The following CARS2 variants were observed in gnomAD, a reference collection of about 807,000 sequenced individuals.
CARS2 encodes the protein probable cysteine--tRNA ligase, mitochondrial.
In CARS2, 52 loss-of-function variants were observed where a neutral mutation model predicts 68.8. The ratio of observed to expected loss-of-function variants is 0.76; its 90% CI spans 0.61 to 0.95. CARS2 has a LOEUF of 0.95. CARS2 is among the 40% of genes least tolerant of loss of function. The pLI is 0.00. For missense variants in CARS2, 780 were observed against 754.2 expected (o/e 1.03, Z -0.40); for synonymous variants, 314 against 303.6 (o/e 1.03, Z -0.36).
chr13:110,658,173 A>T (rs1023986251), intron 9 of CARS2, among the ~76,000 whole-genome samples: 13 of 152,236 alleles, frequency 8.5e-5, no homozygotes, highest in Non-Finnish European at 1.9e-4. Flanking sequence ...TAGAAAGAAC[A>T]ATGAAATATA....
At chr13:110,707,093 T>G (rs1364587172), upstream of CARS2, among the ~76,000 whole-genome samples, 3 of 151,198 alleles carry the variant, frequency 2.0e-5, no homozygotes, top group African/African-American at 4.9e-5. Context: ...ACACCATGTC[T>G]GCACCCCAGT....
At chr13:110,666,645 C>T in intron 8 of CARS2, 1 of 985,312 alleles carries the variant, frequency 1.0e-6, no homozygotes, top group South Asian at 4.7e-5. Flanking sequence ...CTGTGACATC[C>T]TAATTTCCCA....
upstream of CARS2, among the ~76,000 whole-genome samples, chr13:110,710,019 G>C (rs2064013831): frequency 6.6e-6 from 1 of 152,124 alleles, no homozygotes; most frequent in Admixed American, 6.5e-5. Context: ...GTAGCATATG[G>C]TTTAGGGGTT....
At chr13:110,642,240 G>T in intron 14 of CARS2, 75 bp downstream of exon 14, 1 of 1,146,652 alleles carries the variant, frequency 8.7e-7, no homozygotes, top group Non-Finnish European at 1.3e-6. Context: ...GGATGTCTGG[G>T]CCTCTGATGG....
chr13:110,679,300 C>T (rs1326077871), intron 6 of CARS2, among the ~76,000 whole-genome samples: 5 of 151,830 alleles, frequency 3.3e-5, no homozygotes, highest in African/African-American at 9.7e-5. Flanking sequence ...GAGGCCGAGG[C>T]GGGCGGATCA....
chr13:110,695,706 A>C (rs922356439), intron 3 of CARS2, among the ~76,000 whole-genome samples: 2 of 152,206 alleles, frequency 1.3e-5, no homozygotes, highest in African/African-American at 4.8e-5. Context: ...ATTATAAAAA[A>C]GGTAAAGAAG....
At chr13:110,661,432 C>G (rs1301232263) in intron 9 of CARS2, among the ~76,000 whole-genome samples, 2 of 152,234 alleles carry the variant, frequency 1.3e-5, no homozygotes, top group Non-Finnish European at 1.5e-5. Flanking sequence ...CCAGATTAGG[C>G]TGTGGCTTAC....
upstream of CARS2, chr13:110,706,543 G>GCA (rs1181637520): frequency 6.5e-6 from 1 of 153,510 alleles, no homozygotes. Context: ...GCCCACGTCA[G>GCA]CACGCTAATA....
Position 110,705,649 on chromosome 13 carries a change from A to G in CARS2, c.225-78T>C. 6.7e-7 allele frequency: 1 copy of G among 1,501,632 alleles called. No individual in the cohort carries two copies. 93.0% of individuals were successfully genotyped at this position (1,501,632 alleles called of 1,614,324 possible). On this transcript the variant is annotated intron_variant, in intron 1 of 14. Transcript: ENST00000257347. The surrounding 1 kb of genome is among the most constrained non-coding windows in gnomAD (Gnocchi z 4.0). ...TTCGATTCTGAGTTATAATGATCATATAATTTTTAAAGTAATCACTTCTGG... is the reference window on the plus strand; with the variant it reads ...TTCGATTCTGAGTTATAATGATCATGTAATTTTTAAAGTAATCACTTCTGG...
rs374751888 is a variant in CARS2, at chr13:110,676,978, C to A, written c.781G>T (p.Ala261Ser). 21 of 1,572,178 alleles carry A rather than the reference C, an allele frequency of 1.3e-5. No individual in the cohort carries two copies. The South Asian group carries it at 2.1e-4, about 15-fold the overall frequency. ...PGWHIECSAI[A>S]SMVFGSQLDI... ...AGGAAGCGGCAGGCACCTTACCTAG[C>A]GATGGCAGAGCACTCGATGTGCCAG... is the stretch of plus-strand genomic sequence containing the variant. Residue 261 changes from alanine (A) to serine (S), a missense_variant, in exon 7 of 15, where the codon GCT (alanine) becomes TCT (serine). Transcript: ENST00000257347. This position sits in a 1 kb window ranked among gnomAD's most constrained non-coding sequence, Gnocchi z 4.0.
At chr13:110,704,228 T>C (rs2063873050) in intron 2 of CARS2, among the ~76,000 whole-genome samples, 1 of 152,240 alleles carries the variant, frequency 6.6e-6, no homozygotes, top group Admixed American at 6.5e-5. Context: ...TTATTTTAGC[T>C]CATCCCCTTC....
intron 3 of CARS2, among the ~76,000 whole-genome samples, chr13:110,690,973 T>C (rs1264086900): frequency 1.3e-5 from 2 of 152,244 alleles, no homozygotes; most frequent in African/African-American, 4.8e-5. Context: ...TGTGTTTCTA[T>C]TGAGTGGTAT....
chr13:110,657,354 C>G (rs1483997055), intron 9 of CARS2, among the ~76,000 whole-genome samples: 2 of 152,184 alleles, frequency 1.3e-5, no homozygotes, highest in Non-Finnish European at 2.9e-5. Context: ...ATCTTGCCTT[C>G]AAAATCCCAT....
intron 7 of CARS2, among the ~76,000 whole-genome samples, chr13:110,671,080 G>A (rs2062790715): frequency 6.6e-6 from 1 of 152,052 alleles, no homozygotes; most frequent in South Asian, 2.1e-4. Context: ...GACCAAATCT[G>A]CGTCTGATTG....
At chr13:110,696,780 T>C (rs6650307) in intron 3 of CARS2, among the ~76,000 whole-genome samples, 104,102 of 152,104 alleles carry the variant, frequency 0.68, 35,916 homozygotes, top group East Asian at 0.74. Flanking sequence ...AATCCCTCCT[T>C]GTGGCATCTG....
chr13:110,662,940 C>T (rs78317917), intron 9 of CARS2: 70,268 of 452,192 alleles, frequency 0.16, 6,625 homozygotes, highest in Admixed American at 0.27. Flanking sequence ...CAGCCAGAGC[C>T]CTCCGTGGGT....
chr13:110,711,379 A>G (rs1566373777), upstream of CARS2, among the ~76,000 whole-genome samples: 2 of 152,000 alleles, frequency 1.3e-5, no homozygotes, highest in African/African-American at 4.8e-5. Flanking sequence ...TGCCCTGCTA[A>G]TTTTTTGTAT....
chr13:110,706,121 G>A (rs553156729), upstream of CARS2: 22 of 1,286,166 alleles, frequency 1.7e-5, no homozygotes, highest in East Asian at 5.9e-4. Context: ...ACGACTGGGC[G>A]GAGACGGGAG....
At chr13:110,654,110 C>A (rs1272753724) in intron 9 of CARS2, among the ~76,000 whole-genome samples, 1 of 152,210 alleles carries the variant, frequency 6.6e-6, no homozygotes, top group Admixed American at 6.5e-5. Flanking sequence ...AGGGTGCACA[C>A]TCACAGGGAG....
Sources: gnomAD v4.1 joint callset for allele counts (sites outside exome capture counted in the v4.1 genomes callset) on GRCh38, gnomAD v4.1.1 for gene constraint, Gnocchi (gnomAD v3.1) non-coding constraint, MANE v1.5 for transcripts, NCBI Gene and HGNC (gene_info 2026-07-23, HGNC 2026-07-21) for gene names.